The following MKKS variants were observed in gnomAD, a reference collection of about 807,000 sequenced individuals.
MKKS encodes the protein molecular chaperone MKKS.
Under a neutral mutation model 33.2 loss-of-function variants are expected in MKKS, and 29 were observed. The observed-to-expected ratio is 0.87, with a 90% confidence interval of 0.65 to 1.19. The LOEUF is 1.19. Among genes scored for constraint, MKKS ranks in the 50% most tolerant of loss-of-function variants. The pLI, the probability that MKKS is intolerant of heterozygous loss-of-function variation, is 0.00. For missense variants in MKKS, 661 were observed against 662.3 expected, an observed-to-expected ratio of 1.00 and a Z score of 0.02; for synonymous variants, 260 against 244.0, an observed-to-expected ratio of 1.07 and a Z score of -0.61.
In MKKS at chr20:10,413,627, T is replaced by C. The variant is rs192464547; in HGVS notation, c.-113A>G. On this transcript the variant is annotated 5_prime_UTR_variant, in exon 3 of 6. Transcript: ENST00000347364. ...AAATTATTCTTTAGGAATTAAAGTATGAATATGCAGCATTGTGGCTATAAA... is the reference window on the plus strand; with the variant it reads ...AAATTATTCTTTAGGAATTAAAGTACGAATATGCAGCATTGTGGCTATAAA... 12 of 1,204,672 alleles carry C rather than the reference T, an allele frequency of 1.0e-5. No individual in the cohort carries two copies. The East Asian group carries it at 2.6e-4, about 26-fold the overall frequency. 74.6% of individuals were successfully genotyped at this position (1,204,672 alleles called of 1,614,324 possible). A position where few individuals can be genotyped will look rare whatever the true frequency, so the allele number is the denominator to read the frequency against.
At chr20:10,414,368 C>G (rs936662874) in intron 2 of MKKS, among the ~76,000 whole-genome samples, 4 of 150,900 alleles carry the variant, frequency 2.7e-5, no homozygotes, top group African/African-American at 7.3e-5. Context: ...TGGGTTCAAG[C>G]AATTCTCCTG....
chr20:10,405,426 A>T lies in MKKS; in HGVS notation c.1534T>A (p.Phe512Ile), dbSNP rs772349046. The T allele has an allele frequency of 3.1e-6, 5 of 1,614,190 alleles. No homozygotes were observed. The highest frequency in any genetic ancestry group is 3.4e-6 in the Non-Finnish European group (4 of 1,180,038). Residue 512 changes from phenylalanine (F) to isoleucine (I), a missense_variant, in exon 6 of 6, where the codon TTC becomes ATC. Physicochemically the swap from Phe to Ile is conservative, Grantham distance 21 (BLOSUM62 0). Coordinates refer to ENST00000347364, the MANE Select transcript of MKKS (RefSeq NM_170784.3). ...AATGGACGACGTGTGCTTCTTAAGA[A>T]AGACCAGTTGAGTTCTTCCTGGCTA... ...YNSQEELNWS[F>I]LRSTRRPFVP...
chr20:10,409,905 AG>A (rs2064869258), intron 3 of MKKS, among the ~76,000 whole-genome samples: 2 of 134,662 alleles, frequency 1.5e-5, no homozygotes, highest in African/African-American at 2.8e-5. Context: ...TGGGGGGCAG[AG>A]GTTGCAGTGA....
intron 3 of MKKS, among the ~76,000 whole-genome samples, chr20:10,411,457 A>T (rs992670308): frequency 6.6e-6 from 1 of 152,170 alleles, no homozygotes; most frequent in Non-Finnish European, 1.5e-5. Context: ...CAGTATTCAC[A>T]AACTGGAAAT....
At chr20:10,429,421 A>G (rs944807875) in intron 1 of MKKS, among the ~76,000 whole-genome samples, 1 of 152,142 alleles carries the variant, frequency 6.6e-6, no homozygotes, top group Non-Finnish European at 1.5e-5. Flanking sequence ...TTCTATGATC[A>G]TGCATCCACT....
Position 10,413,768 on chromosome 20 carries a change from C to G in MKKS, c.-254G>C. 1.7e-6 allele frequency: 1 copy of G among 587,694 alleles called. No homozygotes were observed. The highest frequency in any genetic ancestry group is 3.1e-5 in the Admixed American group (1 of 32,616). 36.4% of individuals were successfully genotyped at this position (587,694 alleles called of 1,614,324 possible). The stretch of plus-strand genomic sequence containing the variant: ...CAATACTCTTTTGTTTGCTTTGAGA[C>G]TGAAATTTTACAGACTGCTTTGCAG... On this transcript the variant is annotated 5_prime_UTR_variant, in exon 3 of 6. Coordinates refer to ENST00000347364, the MANE Select transcript of MKKS (RefSeq NM_170784.3).
rs777446581 is a variant in MKKS at position 10,405,430 on chromosome 20, C to A, written c.1530G>T (p.Trp510Cys). The A allele has an allele frequency of 6.2e-7, 1 of 1,614,156 alleles. No homozygotes were observed. Among genetic ancestry groups the A allele is most frequent in the Non-Finnish European group, 8.5e-7 (1 of 1,180,026 alleles). ...GLYNSQEELN[W>C]SFLRSTRRPF... ...GACGACGTGTGCTTCTTAAGAAAGA[C>A]CAGTTGAGTTCTTCCTGGCTATTGT... Residue 510 changes from tryptophan to cysteine, a missense_variant, in exon 6 of 6, where the codon TGG (tryptophan) becomes TGT (cysteine). By Grantham distance (215) the Trp-to-Cys change is radical (BLOSUM62 -2). Transcript: ENST00000347364.
intron 5 of MKKS, 117 bp from the exon 6 acceptor site, chr20:10,405,804 A>G: frequency 3.7e-6 from 4 of 1,068,594 alleles, no homozygotes; most frequent in Non-Finnish European, 5.5e-6. Flanking sequence ...ACTTTCATTT[A>G]ATTTGGGGTC....
rs71184200 is a variant in MKKS at position 10,432,789 on chromosome 20, CAAAAAA to C, written c.-649+1313_-649+1318del. On this transcript the variant is annotated intron_variant, in intron 1 of 5. Transcript: ENST00000347364. ...TGCGCGACAGAGCGAGACTCTTTGT[CAAAAAA>C]AAAAAAAAAAAAAAAAAAAATCGTG... 3.4e-4 allele frequency among the ~76,000 whole-genome samples: 25 copies of C among 74,592 alleles called. No homozygotes were observed. The South Asian group carries it at 8.3e-3, about 25-fold the overall frequency. 48.9% of individuals were successfully genotyped at this position (74,592 alleles called of 152,430 possible).
intron 3 of MKKS, among the ~76,000 whole-genome samples, chr20:10,410,356 C>T (rs535220954): frequency 1.3e-3 from 196 of 152,116 alleles, no homozygotes; most frequent in Non-Finnish European, 2.5e-3. Flanking sequence ...CCAGGCCGGG[C>T]GTGGTGGCTC....
intron 2 of MKKS, among the ~76,000 whole-genome samples, chr20:10,417,813 C>T (rs1430063098): frequency 6.6e-6 from 1 of 151,824 alleles, no homozygotes; most frequent in Non-Finnish European, 1.5e-5. Context: ...ATGAAAGTAG[C>T]CTCTTGATAT....
Position 10,412,808 on chromosome 20 carries a change from G to C in MKKS, c.707C>G (p.Ser236Ter). ...QLMRLLPIKK[S>*]TALKVALFCT... Reference sequence around the variant, plus strand: ...AAAGAGTGCCACCTTGAGGGCAGTTGATTTTTTGATAGGTAATAGCCTCAT... The same window carrying C: ...AAAGAGTGCCACCTTGAGGGCAGTTCATTTTTTGATAGGTAATAGCCTCAT... The change falls in exon 3 of 6, where the codon TCA (serine) becomes TGA (stop). Residue 236 changes from serine (S) to a stop codon, truncating the protein, a stop_gained. Coordinates refer to ENST00000347364, the MANE Select transcript of MKKS (RefSeq NM_170784.3). LOFTEE classifies it high-confidence loss of function. 6.2e-7 allele frequency: 1 copy of C among 1,614,162 alleles called. No homozygotes were observed.
intron 1 of MKKS, among the ~76,000 whole-genome samples, chr20:10,427,664 A>G (rs1179025762): frequency 1.3e-5 from 2 of 152,252 alleles, no homozygotes; most frequent in Non-Finnish European, 2.9e-5. Context: ...GTGGTCTTCA[A>G]CTGTGCTATG....
chr20:10,409,264 T>C (rs1189932822), intron 3 of MKKS, among the ~76,000 whole-genome samples: 3 of 152,222 alleles, frequency 2.0e-5, no homozygotes, highest in African/African-American at 7.2e-5. Flanking sequence ...AGTTGTGTAG[T>C]TGAATTCCTT....
rs889037739 is a variant in MKKS, at chr20:10,405,355, G to T, written c.1605C>A (p.Ser535Arg). The part of the protein sequence containing the change: ...CLPHEAVGSA[S>R]NLTLDCLTAK... ...CAGTCAAACAGTCCAAGGTCAGGTT[G>T]CTGGCTGAGCCCACAGCTTCATGTG... Residue 535 changes from serine to arginine, a missense_variant, in exon 6 of 6, where the codon AGC becomes AGA. Ser to Arg is a moderately radical substitution (Grantham distance 110). Coordinates refer to ENST00000347364, the MANE Select transcript of MKKS (RefSeq NM_170784.3). 17 of 1,614,092 alleles carry T rather than the reference G, an allele frequency of 1.1e-5. No homozygotes were observed. Among genetic ancestry groups the T allele is most frequent in the Non-Finnish European group, 1.4e-5 (16 of 1,180,052 alleles).
intron 2 of MKKS, among the ~76,000 whole-genome samples, chr20:10,417,117 G>C (rs1441106934): frequency 2.0e-4 from 30 of 152,026 alleles, no homozygotes; most frequent in Non-Finnish European, 7.4e-5. Context: ...CAGGTGTGGT[G>C]GTGGGTGCCT....
In MKKS at chr20:10,413,543, C is replaced by T. The variant is rs771393172; in HGVS notation, c.-29G>A. 40 of 1,612,936 alleles carry T rather than the reference C, an allele frequency of 2.5e-5. No individual in the cohort carries two copies. The highest frequency in any genetic ancestry group is 3.2e-5 in the Non-Finnish European group (38 of 1,179,398). On this transcript the variant is annotated 5_prime_UTR_variant, in exon 3 of 6. Coordinates refer to ENST00000347364, the MANE Select transcript of MKKS (RefSeq NM_170784.3). Reference sequence around the variant, plus strand: ...ACTTCAGGTGGTAACTAGTGAAGACCGTTTTTATTTTGTAAACCACATTTT... The same window carrying T: ...ACTTCAGGTGGTAACTAGTGAAGACTGTTTTTATTTTGTAAACCACATTTT...
chr20:10,415,622 T>C (rs564538733), intron 2 of MKKS, among the ~76,000 whole-genome samples: 4 of 152,320 alleles, frequency 2.6e-5, no homozygotes, highest in African/African-American at 9.6e-5. Context: ...TTCAGCAAAA[T>C]CTGAGAAATA....
intron 1 of MKKS, among the ~76,000 whole-genome samples, chr20:10,424,989 G>T (rs2065005674): frequency 6.6e-6 from 1 of 151,302 alleles, no homozygotes; most frequent in South Asian, 2.1e-4. Context: ...GGAGGCGGAG[G>T]TTGCAGTGAG....
Sources: allele counts gnomAD v4.1 joint callset (sites outside exome capture counted in the v4.1 genomes callset), GRCh38; gene constraint gnomAD v4.1.1; transcripts MANE v1.5; gene names NCBI Gene and HGNC (gene_info 2026-07-23, HGNC 2026-07-21).